Variants in RANBP10 observed in about 807,000 individuals in gnomAD.
RANBP10 encodes ran-binding protein 10.
A neutral mutation model predicts 72.8 loss-of-function variants in RANBP10; 24 were observed. That is an observed-to-expected ratio of 0.33 (90% CI 0.24 to 0.46). RANBP10 has a LOEUF of 0.46. Ranked by LOEUF, RANBP10 falls within the 20% of genes least tolerant of loss-of-function variation. The probability of loss-of-function intolerance (pLI) is 1.00; values close to 1 mark genes in which losing one functional copy is unlikely to be tolerated. For synonymous variants in RANBP10, 310 were observed against 322.3 expected (o/e 0.96, Z 0.41); for missense variants, 679 against 817.5 (o/e 0.83, Z 2.07).
chr16:67,744,827 T>TTTTG (rs781704490), intron 3 of RANBP10, among the ~76,000 whole-genome samples: 1 of 152,166 alleles, frequency 6.6e-6, no homozygotes, highest in Non-Finnish European at 1.5e-5. Flanking sequence ...AAAATGTTTT[T>TTTTG]TTTGTTTGTT....
intron 2 of RANBP10, among the ~76,000 whole-genome samples, chr16:67,785,278 A>G (rs755336241): frequency 3.9e-5 from 6 of 152,074 alleles, no homozygotes; most frequent in Admixed American, 1.3e-4. Flanking sequence ...GGGAAAAACT[A>G]AAATAAAAAG....
At position 67,733,857 on chromosome 16, in the gene RANBP10, T is replaced by C. The variant is rs75160264; in HGVS notation, c.776+1001A>G. ...ACATCCATGTGCTGAGCCTAGGCCC[T>C]GAAAACTGAGAGTATCAGTTCCTCC... is the stretch of plus-strand genomic sequence containing the variant. On this transcript the variant is annotated intron_variant, in intron 6 of 13. Transcript: ENST00000317506. Among the ~76,000 whole-genome samples, 8 of 152,304 alleles carry C rather than the reference T, an allele frequency of 5.3e-5. No individual in the cohort carries two copies. In the East Asian group the frequency reaches 1.5e-3, roughly 29 times the overall value.
At chr16:67,798,571 G>C (rs145153796) in intron 2 of RANBP10, among the ~76,000 whole-genome samples, 1 of 152,320 alleles carries the variant, frequency 6.6e-6, no homozygotes, top group East Asian at 1.9e-4. Context: ...CTGTCTTTCA[G>C]ATGGGAGCTG....
intron 3 of RANBP10, among the ~76,000 whole-genome samples, chr16:67,751,449 T>G (rs749240409): frequency 2.7e-5 from 4 of 148,308 alleles, no homozygotes; most frequent in Non-Finnish European, 4.5e-5. Flanking sequence ...CATGGTGAAA[T>G]CCCATCTCCA....
At chr16:67,773,032 T>G (rs1400928354) in intron 2 of RANBP10, among the ~76,000 whole-genome samples, 1 of 152,166 alleles carries the variant, frequency 6.6e-6, no homozygotes, top group Non-Finnish European at 1.5e-5. Context: ...GACATGAAAT[T>G]TGGGGGGCCA....
chr16:67,734,909 T>C lies in RANBP10; in HGVS notation c.725A>G (p.His242Arg). ...AAGCCGGGCACTGATGGGGAAGCAG[T>C]GGACCGTGCCCTGGACCTTGGCACG... ...EWRAKVQGTV[H>R]CFPISARLGE... is the part of the protein sequence containing the mutation. Residue 242 changes from histidine to arginine, a missense_variant, in exon 6 of 14, where the codon CAC becomes CGC. Coordinates refer to ENST00000317506, the MANE Select transcript of RANBP10 (RefSeq NM_020850.3). The C allele has an allele frequency of 6.2e-7, 1 of 1,612,548 alleles. No individual in the cohort carries two copies. The highest frequency in any genetic ancestry group is 8.5e-7 in the Non-Finnish European group (1 of 1,178,990).
intron 4 of RANBP10, among the ~76,000 whole-genome samples, chr16:67,743,837 C>CAGAG (rs2054015712): frequency 1.3e-5 from 2 of 152,186 alleles, no homozygotes; most frequent in Non-Finnish European, 2.9e-5. Flanking sequence ...AAGAACAGAC[C>CAGAG]AGAGGTCTGG....
intron 2 of RANBP10, among the ~76,000 whole-genome samples, chr16:67,797,705 G>C (rs1330138318): frequency 6.6e-6 from 1 of 152,146 alleles, no homozygotes; most frequent in Non-Finnish European, 1.5e-5. Flanking sequence ...AGCTACTCAG[G>C]AGGCTGAGGC....
At position 67,806,495 on chromosome 16, in the gene RANBP10, C is replaced by T; in HGVS notation, c.42G>A (p.Gln14=). 1 of 1,534,746 alleles carries T rather than the reference C, an allele frequency of 6.5e-7. No homozygotes were observed. The highest frequency in any genetic ancestry group is 8.7e-7 in the Non-Finnish European group (1 of 1,147,148). The change falls in exon 1 of 14, where the codon CAG becomes CAA. Residue 14 remains glutamine (Q), a synonymous_variant. Coordinates refer to ENST00000317506, the MANE Select transcript of RANBP10 (RefSeq NM_020850.3). Reference sequence around the variant, plus strand: ...CGCCCCCGCCGGAGGAGTCCCCAGGCTGCGGGTTCCCAGCTCCCGGGTCTG... The same window carrying T: ...CGCCCCCGCCGGAGGAGTCCCCAGGTTGCGGGTTCCCAGCTCCCGGGTCTG... ...ATADPGAGNP[Q]PGDSSGGGAG...
intron 2 of RANBP10, among the ~76,000 whole-genome samples, chr16:67,780,586 T>TA (rs563510159): frequency 1.8e-3 from 271 of 151,758 alleles, no homozygotes; most frequent in African/African-American, 5.9e-3. Context: ...CCTCTGTCTC[T>TA]AAAAAAAAGA....
intron 6 of RANBP10, among the ~76,000 whole-genome samples, chr16:67,732,490 C>A (rs1289281018): frequency 6.6e-6 from 1 of 152,094 alleles, no homozygotes; most frequent in Non-Finnish European, 1.5e-5. Flanking sequence ...GTGGAAGGCA[C>A]AGAAGTTTGG....
intron 2 of RANBP10, among the ~76,000 whole-genome samples, chr16:67,774,530 G>A (rs919576808): frequency 4.6e-5 from 7 of 152,156 alleles, no homozygotes; most frequent in Non-Finnish European, 1.0e-4. Flanking sequence ...TTTATTAGTG[G>A]ATGGCTCGGG....
At chr16:67,761,065 C>T (rs1319078074) in intron 3 of RANBP10, among the ~76,000 whole-genome samples, 2 of 152,236 alleles carry the variant, frequency 1.3e-5, no homozygotes, top group African/African-American at 4.8e-5. Context: ...GATTCACCTG[C>T]CCTGCTTCCG....
At chr16:67,764,718 TAAAC>T (rs1171498222) in intron 3 of RANBP10, among the ~76,000 whole-genome samples, 1 of 152,116 alleles carries the variant, frequency 6.6e-6, no homozygotes, top group Non-Finnish European at 1.5e-5. Flanking sequence ...AATGTAAAAA[TAAAC>T]AGACATATGT....
chr16:67,726,324 C>CT lies in RANBP10; in HGVS notation c.*103dup. The CT allele has an allele frequency of 6.5e-7, 1 of 1,535,750 alleles. No homozygotes were observed. Among genetic ancestry groups the CT allele is most frequent in the South Asian group, 1.2e-5 (1 of 85,432 alleles). On this transcript the variant is annotated 3_prime_UTR_variant, in exon 14 of 14. Transcript: ENST00000317506. ...AAAGGCCAGGCAGGAGGAGTGGACT[C>CT]TGTCTATGGTTTCCCAGTCCCTGCA...
At chr16:67,740,634 G>A (rs573526161) in intron 4 of RANBP10, among the ~76,000 whole-genome samples, 6 of 152,114 alleles carry the variant, frequency 3.9e-5, no homozygotes, top group Non-Finnish European at 8.8e-5. Context: ...TCTATGCTGG[G>A]CACTGGACTG....
At position 67,725,543 on chromosome 16, in the gene RANBP10, A is replaced by G. The variant is rs2053582619; in HGVS notation, c.*885T>C. ...GAAGATAGGGTATTGAAAAGGGAGG[A>G]AAGGGGAGCAAGGCAGGCAGTGGGA... is the stretch of plus-strand genomic sequence containing the variant. On this transcript the variant is annotated 3_prime_UTR_variant, in exon 14 of 14. Transcript: ENST00000317506. The G allele has an allele frequency of 6.6e-6, 1 of 152,598 alleles. No homozygotes were observed. The highest frequency in any genetic ancestry group is 2.1e-4 in the South Asian group (1 of 4,820). 9.5% of individuals were successfully genotyped at this position (152,598 alleles called of 1,614,324 possible).
At chr16:67,760,605 CAT>C (rs1465236240) in intron 3 of RANBP10, among the ~76,000 whole-genome samples, 1 of 152,212 alleles carries the variant, frequency 6.6e-6, no homozygotes, top group Admixed American at 6.5e-5. Context: ...CCAGGCACCA[CAT>C]GTTTCAGGAG....
At chr16:67,761,045 G>A (rs553107095) in intron 3 of RANBP10, among the ~76,000 whole-genome samples, 1 of 152,300 alleles carries the variant, frequency 6.6e-6, no homozygotes, top group South Asian at 2.1e-4. Context: ...CCAGGGTGGG[G>A]CTGCAGTTGG....
Sources: gnomAD v4.1 joint callset for allele counts (sites outside exome capture counted in the v4.1 genomes callset) on GRCh38, gnomAD v4.1.1 for gene constraint, MANE v1.5 for transcripts, NCBI Gene and HGNC (gene_info 2026-07-23, HGNC 2026-07-21) for gene names.